The following CDC123 variants were observed in gnomAD, a reference collection of about 807,000 sequenced individuals.
CDC123 encodes the protein cell division cycle 123.
A neutral mutation model predicts 54.4 loss-of-function variants in CDC123; 37 were observed. The observed-to-expected ratio is 0.68, with a 90% CI of 0.52 to 0.89. The LOEUF is 0.89. Among genes scored for constraint, CDC123 ranks in the 40% least tolerant of loss-of-function variants. CDC123 has a pLI of 0.00. For missense variants in CDC123, 361 were observed against 412.1 expected (o/e 0.88, Z 1.07); for synonymous variants, 144 against 136.8 (o/e 1.05, Z -0.37).
chr10:12,200,062 C>T (rs188197138), intron 2 of CDC123, among the ~76,000 whole-genome samples: 1 of 148,928 alleles, frequency 6.7e-6, no homozygotes, highest in East Asian at 2.0e-4. Flanking sequence ...ACCTCGTGAT[C>T]TGGCTGCCTC....
intron 1 of CDC123, among the ~76,000 whole-genome samples, chr10:12,197,612 C>T (rs1173522029): frequency 6.6e-6 from 1 of 151,378 alleles, no homozygotes; most frequent in African/African-American, 2.4e-5. Context: ...TGCCTGACCT[C>T]GTGATCCGCC....
chr10:12,206,473 T>C (rs903665579), intron 2 of CDC123, among the ~76,000 whole-genome samples: 8 of 152,236 alleles, frequency 5.3e-5, no homozygotes, highest in African/African-American at 1.9e-4. Context: ...GACTGGTTCT[T>C]AGCTTTGTGA....
At chr10:12,233,741 A>G (rs1469966489) in intron 7 of CDC123, among the ~76,000 whole-genome samples, 1 of 152,156 alleles carries the variant, frequency 6.6e-6, no homozygotes, top group African/African-American at 2.4e-5. Context: ...AAGAGCTTAT[A>G]ATAAATGAAA....
rs752899035 is a variant in CDC123 at position 12,215,794 on chromosome 10, G to C, written c.292G>C (p.Gly98Arg). ...TKVQEAINSL[G>R]GSVFPKLNWS... ...AGTCCAGGAAGCTATCAATTCCCTC[G>C]GGGGCAGTGTCTTTCCTAAGCTTAA... Residue 98 changes from glycine to arginine, a missense_variant, in exon 5 of 13, where the codon GGG becomes CGG. Transcript: ENST00000281141. 2.5e-6 allele frequency: 4 copies of C among 1,612,120 alleles called. No homozygotes were observed. Among genetic ancestry groups the C allele is most frequent in the African/African-American group, 1.3e-5 (1 of 74,900 alleles).
At chr10:12,201,024 G>A (rs902003149) in intron 2 of CDC123, among the ~76,000 whole-genome samples, 1 of 152,174 alleles carries the variant, frequency 6.6e-6, no homozygotes, top group African/African-American at 2.4e-5. Context: ...GGAGTTGACA[G>A]TTCAGCTTCA....
At position 12,196,276 on chromosome 10, in the gene CDC123, T is replaced by G; in HGVS notation, c.31T>G (p.Phe11Val). MKKEHVLHCQ[F>V]SAWYPFFRGV... ...GAAGGAGCATGTGCTTCACTGCCAG[T>G]TCTCCGCGTGGTACCCGTTCTTCCG... Residue 11 changes from phenylalanine to valine, a missense_variant, in exon 1 of 13, where the codon TTC (phenylalanine) becomes GTC (valine). Coordinates refer to ENST00000281141, the MANE Select transcript of CDC123 (RefSeq NM_006023.3). 11 of 1,613,938 alleles carry G rather than the reference T, an allele frequency of 6.8e-6. No individual in the cohort carries two copies. Among genetic ancestry groups the G allele is most frequent in the Non-Finnish European group, 9.3e-6 (11 of 1,179,868 alleles).
chr10:12,249,575 G>T lies in CDC123; in HGVS notation c.847-6G>T, dbSNP rs921175338. The T allele has an allele frequency of 1.2e-6, 2 of 1,607,044 alleles. No individual in the cohort carries two copies. Among genetic ancestry groups the T allele is most frequent in the Admixed American group, 3.5e-5 (2 of 57,558 alleles). On this transcript the variant is annotated splice_polypyrimidine_tract_variant and splice_region_variant and intron_variant, in intron 11 of 12. Transcript: ENST00000281141. ...ATATTCTTTCTCCTTTTTCTTCTTT[G>T]TACAGGATTCCCCAGCTTTCCGTTG...
chr10:12,246,561 A>C (rs975747719), intron 11 of CDC123: 4 of 288,540 alleles, frequency 1.4e-5, no homozygotes, highest in African/African-American at 8.8e-5. Flanking sequence ...AGATCAGCTC[A>C]TGCATCTGTT....
chr10:12,231,205 A>T (rs1228949476), intron 7 of CDC123, among the ~76,000 whole-genome samples: 1 of 152,246 alleles, frequency 6.6e-6, no homozygotes, highest in Non-Finnish European at 1.5e-5. Context: ...TGCAGTATAC[A>T]CTTGCTACAG....
chr10:12,228,850 G>A (rs1406560453), intron 6 of CDC123, among the ~76,000 whole-genome samples: 2 of 152,200 alleles, frequency 1.3e-5, no homozygotes, highest in African/African-American at 2.4e-5. Context: ...GATTATAGGC[G>A]TGAGCCACTG....
At chr10:12,215,081 A>G (rs12267339) in intron 4 of CDC123, among the ~76,000 whole-genome samples, 6,582 of 152,190 alleles carry the variant, frequency 0.043, 477 homozygotes, top group African/African-American at 0.15. Context: ...CAGTATTTCT[A>G]TTCACTTCCG....
At chr10:12,223,247 G>A (rs1324100583) in intron 6 of CDC123, among the ~76,000 whole-genome samples, 1 of 151,808 alleles carries the variant, frequency 6.6e-6, no homozygotes, top group East Asian at 1.9e-4. Flanking sequence ...GAGAAACGGT[G>A]TGTTGATTAT....
intron 3 of CDC123, 97 bp from the exon 4 acceptor site, chr10:12,210,193 C>T: frequency 6.7e-7 from 1 of 1,496,114 alleles, no homozygotes; most frequent in Non-Finnish European, 9.1e-7. Flanking sequence ...AAAGATGTCT[C>T]CTGTTTGATT....
At chr10:12,238,042 G>A (rs1419273049) in intron 9 of CDC123, among the ~76,000 whole-genome samples, 2 of 152,166 alleles carry the variant, frequency 1.3e-5, no homozygotes, top group Non-Finnish European at 2.9e-5. Flanking sequence ...AAAATAAGAT[G>A]AATCATGCTT....
chr10:12,234,691 TTTC>T (rs1408761084), intron 7 of CDC123, among the ~76,000 whole-genome samples: 2 of 152,144 alleles, frequency 1.3e-5, no homozygotes, highest in Non-Finnish European at 2.9e-5. Flanking sequence ...TTAGCACAAT[TTTC>T]CTGTGGTTAT....
intron 2 of CDC123, among the ~76,000 whole-genome samples, chr10:12,201,506 T>C (rs1175563762): frequency 2.0e-5 from 3 of 151,980 alleles, no homozygotes; most frequent in South Asian, 4.2e-4. Flanking sequence ...ATCTTCCAGG[T>C]GGGGGGAACA....
At chr10:12,221,761 A>C (rs1835739907) in intron 6 of CDC123, among the ~76,000 whole-genome samples, 1 of 150,502 alleles carries the variant, frequency 6.6e-6, no homozygotes, top group Non-Finnish European at 1.5e-5. Flanking sequence ...TTTTTAAATA[A>C]ATTTTATTAA....
chr10:12,231,703 T>C (rs984604298), intron 7 of CDC123, among the ~76,000 whole-genome samples: 3 of 151,676 alleles, frequency 2.0e-5, no homozygotes, highest in Non-Finnish European at 4.4e-5. Context: ...TTAAACATAG[T>C]AAGCCTCAAT....
At chr10:12,209,797 T>G (rs1338703535) in intron 2 of CDC123, among the ~76,000 whole-genome samples, 170 bp from the exon 3 acceptor site, 2 of 151,756 alleles carry the variant, frequency 1.3e-5, no homozygotes, top group Non-Finnish European at 2.9e-5. Context: ...CCTCCTGACC[T>G]CAAGCGATCC....
Sources: allele counts gnomAD v4.1 joint callset (sites outside exome capture counted in the v4.1 genomes callset), GRCh38; gene constraint gnomAD v4.1.1; transcripts MANE v1.5; gene names NCBI Gene and HGNC (gene_info 2026-07-23, HGNC 2026-07-21).